DNTTIP2: variants seen among roughly 807,000 people sequenced by gnomAD.
The protein encoded by DNTTIP2 is deoxynucleotidyltransferase terminal-interacting protein 2.
DNTTIP2 carries 47 observed loss-of-function variants against 62.4 expected under a neutral mutation model. That is an observed-to-expected ratio of 0.75 (90% CI 0.60 to 0.96). DNTTIP2 has a LOEUF of 0.96. Ranked by LOEUF, DNTTIP2 falls within the 40% of genes least tolerant of loss-of-function variation. DNTTIP2 has a pLI of 0.00. For synonymous variants in DNTTIP2, 322 were observed against 300.9 expected (o/e 1.07, Z -0.73); for missense variants, 870 against 849.1 (o/e 1.02, Z -0.31).
At position 93,872,123 on chromosome 1, in the gene DNTTIP2, C is replaced by G; in HGVS notation, c.2016G>C (p.Pro672=). The part of the protein sequence containing the change: ...KALKMRASMD[P]KRFYKKNDRD... ...TATCATTTTTCTTGTAAAATCTTTT[C>G]GGGTCCATGCTGGCTCTCATCTTCA... Residue 672 remains proline (P), a synonymous_variant, in exon 5 of 7, where the codon CCG becomes CCC. Coordinates refer to ENST00000436063, the MANE Select transcript of DNTTIP2 (RefSeq NM_014597.5). 6.2e-7 allele frequency: 1 copy of G among 1,613,808 alleles called. No homozygotes were observed. The highest frequency in any genetic ancestry group is 8.5e-7 in the Non-Finnish European group (1 of 1,179,792).
At position 93,877,254 on chromosome 1, in the gene DNTTIP2, T is replaced by A; in HGVS notation, c.681A>T (p.Lys227Asn). The A allele has an allele frequency of 6.2e-7, 1 of 1,613,934 alleles. No homozygotes were observed. The highest frequency in any genetic ancestry group is 8.5e-7 in the Non-Finnish European group (1 of 1,179,870). Reference sequence around the variant, plus strand: ...AATTCACAGGTGTACCCACGATCTGTTTCTCATTTCCTGGTACAATCTTAC... The same window carrying A: ...AATTCACAGGTGTACCCACGATCTGATTCTCATTTCCTGGTACAATCTTAC... ...KDSKIVPGNE[K>N]QIVGTPVNSE... The change falls in exon 2 of 7, where the codon AAA becomes AAT. Residue 227 changes from lysine (K) to asparagine (N), a missense_variant. Physicochemically the swap from Lys to Asn is moderately conservative, Grantham distance 94. Transcript: ENST00000436063.
chr1:93,876,437 C>G lies in DNTTIP2; in HGVS notation c.1498G>C (p.Asp500His), dbSNP rs1324020747. The change falls in exon 2 of 7, where the codon GAT becomes CAT. Residue 500 changes from aspartate (D) to histidine (H), a missense_variant. Asp to His is a moderately conservative substitution (Grantham distance 81). Transcript: ENST00000436063. ...TCCTCTTCCAAGTAAAAATTTTTAT[C>G]AGCACTCATTCCAGGAGTTGTGTCA... ...VIDTTPGMSA[D>H]KNFYLEEEDK... 1 of 1,613,558 alleles carries G rather than the reference C, an allele frequency of 6.2e-7. No individual in the cohort carries two copies.
At chr1:93,873,590 G>C (rs957597291) in intron 3 of DNTTIP2, among the ~76,000 whole-genome samples, 2 of 148,206 alleles carry the variant, frequency 1.3e-5, no homozygotes, top group Non-Finnish European at 1.5e-5. Flanking sequence ...GACAGAGTGA[G>C]ACCCTGTCTC....
chr1:93,877,986 A>C, intron 1 of DNTTIP2, 124 bp from the exon 2 acceptor site: 1 of 1,358,312 alleles, frequency 7.4e-7, no homozygotes, highest in Non-Finnish European at 9.7e-7. Context: ...AAAAACAAAA[A>C]AACCTGCCCA....
Position 93,877,130 on chromosome 1 carries a change from AATC to A in DNTTIP2, c.802_804del (p.Asp268del), listed in dbSNP as rs779915747. ...ATATTTTCTGAACTTCTGTGGGAGA[AATC>A]ATCATCAAAGTCATTATTATAGAAA... On this transcript the variant is annotated inframe_deletion, in exon 2 of 7. Coordinates refer to ENST00000436063, the MANE Select transcript of DNTTIP2 (RefSeq NM_014597.5). The A allele has an allele frequency of 6.2e-7, 1 of 1,612,006 alleles. No individual in the cohort carries two copies. The highest frequency in any genetic ancestry group is 1.1e-5 in the South Asian group (1 of 91,038).
intron 5 of DNTTIP2, chr1:93,871,142 T>C (rs1655851470): frequency 6.2e-6 from 1 of 162,292 alleles, no homozygotes; most frequent in Non-Finnish European, 1.3e-5. Flanking sequence ...ACCTATTTGG[T>C]TTCCTAGGTC....
At chr1:93,878,174 C>A (rs61782459) in intron 1 of DNTTIP2, among the ~76,000 whole-genome samples, 11,017 of 151,972 alleles carry the variant, frequency 0.072, 443 homozygotes, top group South Asian at 0.093. Context: ...CGTGTTGGTG[C>A]GCACCTGTAA....
chr1:93,877,200 G>C lies in DNTTIP2; in HGVS notation c.735C>G (p.Ser245=), dbSNP rs1656034274. Residue 245 remains serine (S), a synonymous_variant, in exon 2 of 7, where the codon TCC becomes TCG. Coordinates refer to ENST00000436063, the MANE Select transcript of DNTTIP2 (RefSeq NM_014597.5). ...NSEDSDTRQT[S]HLQARSLSEI... ...CAGAAAGAGATCTTGCTTGTAAATG[G>C]GAAGTTTGTCTGGTATCTGAATCCT... The C allele has an allele frequency of 6.2e-7, 1 of 1,613,654 alleles. No homozygotes were observed. The highest frequency in any genetic ancestry group is 8.5e-7 in the Non-Finnish European group (1 of 1,179,886).
At chr1:93,878,009 T>TA (rs1320083619) in intron 1 of DNTTIP2, 147 bp from the exon 2 acceptor site, 1 of 1,294,598 alleles carries the variant, frequency 7.7e-7, no homozygotes, top group African/African-American at 1.5e-5. Context: ...TCATGATTTT[T>TA]AAAAAATCAA....
chr1:93,868,784 TAA>T lies in DNTTIP2; in HGVS notation c.*1065_*1066del, dbSNP rs1383432856. The T allele has an allele frequency of 6.6e-6, 1 of 151,960 alleles. No individual in the cohort carries two copies. The highest frequency in any genetic ancestry group is 1.5e-5 in the Non-Finnish European group (1 of 67,994). The allele number at this position is 151,960 out of a possible 1,614,324, so 9.4% of individuals were successfully genotyped here. A position where few individuals can be genotyped will look rare whatever the true frequency, so the allele number is the denominator to read the frequency against. ...ACCAAACACTGCATGTTCTTACTCG[TAA>T]GTGGGAGGTAAACAATGAGAACACA... On this transcript the variant is annotated 3_prime_UTR_variant, in exon 7 of 7. Transcript: ENST00000436063.
At chr1:93,871,351 T>C (rs114462981) in intron 5 of DNTTIP2, among the ~76,000 whole-genome samples, 1,920 of 152,290 alleles carry the variant, frequency 0.013, 34 homozygotes, top group African/African-American at 0.044. Flanking sequence ...TATTAAAGCA[T>C]AACATGTGCT....
At chr1:93,878,483 G>C (rs1212201097) in intron 1 of DNTTIP2, 1 of 153,986 alleles carries the variant, frequency 6.5e-6, no homozygotes, top group African/African-American at 2.4e-5. Context: ...GGGGAGAAAG[G>C]GAATATTAAC....
chr1:93,874,648 T>C (rs1195751757), intron 3 of DNTTIP2, among the ~76,000 whole-genome samples: 2 of 152,078 alleles, frequency 1.3e-5, no homozygotes, highest in Admixed American at 1.3e-4. Context: ...CACATCTGTG[T>C]GTGTGGTGTG....
chr1:93,871,052 G>A, intron 5 of DNTTIP2: 1 of 247,620 alleles, frequency 4.0e-6, no homozygotes, highest in Non-Finnish European at 7.6e-6. Context: ...GTAACTAAAG[G>A]AGAAAAGTGG....
chr1:93,877,910 G>A lies in DNTTIP2; in HGVS notation c.73-48C>T, dbSNP rs372750290. On this transcript the variant is annotated intron_variant, in intron 1 of 6. Coordinates refer to ENST00000436063, the MANE Select transcript of DNTTIP2 (RefSeq NM_014597.5). ...TGTAATTTAGGTAGGGCTGGAACAA[G>A]GGCAAAGCAAATGAAATACTGACCC... The A allele has an allele frequency of 6.9e-5, 107 of 1,545,870 alleles. No individual in the cohort carries two copies. The African/African-American group carries it at 1.2e-3, about 17-fold the overall frequency.
At chr1:93,870,906 A>G (rs1229878071) in intron 5 of DNTTIP2, 114 bp from the exon 6 acceptor site, 1 of 477,026 alleles carries the variant, frequency 2.1e-6, no homozygotes, top group Non-Finnish European at 3.6e-6. Context: ...CTTACATTAC[A>G]CTAATAGTAA....
Position 93,875,647 on chromosome 1 carries a change from C to T in DNTTIP2, c.1804G>A (p.Glu602Lys), listed in dbSNP as rs200835030. 3 of 1,606,460 alleles carry T rather than the reference C, an allele frequency of 1.9e-6. No individual in the cohort carries two copies. The highest frequency in any genetic ancestry group is 2.3e-5 in the South Asian group (2 of 88,464). ...ACCTAACAGCACAATTAACTTACCT[C>T]ATTTTTCTTTTTCTCCTTGATCTGT... Reference protein sequence around the residue: ...LTQIKEKKKNELLQKAVITPD... With the variant: ...LTQIKEKKKNKLLQKAVITPD... The change falls in exon 3 of 7, where the codon GAG becomes AAG. Residue 602 changes from glutamate (E) to lysine (K), a missense_variant and splice_region_variant. Glu to Lys is a moderately conservative substitution (Grantham distance 56, BLOSUM62 1). Coordinates refer to ENST00000436063, the MANE Select transcript of DNTTIP2 (RefSeq NM_014597.5).
Position 93,870,664 on chromosome 1 carries a change from T to C in DNTTIP2, c.2177+19A>G, listed in dbSNP as rs761505126. On this transcript the variant is annotated intron_variant, in intron 6 of 6. Transcript: ENST00000436063. ...AAAGCAAAGTATACATATTATAAAA[T>C]AAATATGAATTCCTTTACCTTCTGA... 1.5e-6 allele frequency: 2 copies of C among 1,373,550 alleles called. No individual in the cohort carries two copies. The highest frequency in any genetic ancestry group is 3.0e-5 in the South Asian group (2 of 67,494). The allele number at this position is 1,373,550 out of a possible 1,614,324, so 85.1% of individuals were successfully genotyped here. A position where few individuals can be genotyped will look rare whatever the true frequency, so the allele number is the denominator to read the frequency against.
At position 93,876,937 on chromosome 1, in the gene DNTTIP2, T is replaced by G; in HGVS notation, c.998A>C (p.Gln333Pro). 1 of 1,613,612 alleles carries G rather than the reference T, an allele frequency of 6.2e-7. No homozygotes were observed. Among genetic ancestry groups the G allele is most frequent in the Non-Finnish European group, 8.5e-7 (1 of 1,179,798 alleles). The change falls in exon 2 of 7, where the codon CAG (glutamine) becomes CCG (proline). Residue 333 changes from glutamine (Q) to proline (P), a missense_variant. Physicochemically the swap from Gln to Pro is moderately conservative, Grantham distance 76. Transcript: ENST00000436063. Reference protein sequence around the residue: ...LSELQDTSLQQLVSQRHSTPQ... With the variant: ...LSELQDTSLQPLVSQRHSTPQ... Reference sequence around the variant, plus strand: ...GGTTGAATGTCTCTGAGAAACTAACTGTTGAAGGCTAGTGTCCTGAAGTTC... The same window carrying G: ...GGTTGAATGTCTCTGAGAAACTAACGGTTGAAGGCTAGTGTCCTGAAGTTC...
Sources: allele counts gnomAD v4.1 joint callset (sites outside exome capture counted in the v4.1 genomes callset), GRCh38; gene constraint gnomAD v4.1.1; transcripts MANE v1.5; gene names NCBI Gene and HGNC (gene_info 2026-07-23, HGNC 2026-07-21).